The following MYT1L variants were observed in gnomAD, a reference collection of about 807,000 sequenced individuals.
The protein encoded by MYT1L is myelin transcription factor 1 like, also known as myelin transcription factor 1-like protein.
A neutral mutation model predicts 126.7 loss-of-function variants in MYT1L; 12 were observed. The ratio of observed to expected loss-of-function variants is 0.09; its 90% CI spans 0.06 to 0.15. MYT1L has a LOEUF of 0.15. Among genes scored for constraint, MYT1L ranks in the 10% least tolerant of loss-of-function variants. The pLI is 1.00. For missense variants in MYT1L, 979 were observed against 1,585.2 expected, an observed-to-expected ratio of 0.62 and a Z score of 6.49; for synonymous variants, 541 against 604.2, an observed-to-expected ratio of 0.90 and a Z score of 1.53.
chr2:1,790,568 A>C lies in MYT1L; in HGVS notation c.*1299T>G, dbSNP rs1292701513. 2 of 152,276 alleles carry C rather than the reference A, an allele frequency of 1.3e-5. No individual in the cohort carries two copies. The highest frequency in any genetic ancestry group is 2.4e-5 in the African/African-American group (1 of 41,462). The allele number at this position is 152,276 out of a possible 1,614,324, so 9.4% of individuals were successfully genotyped here. ...ATTCATTCTTAGAATAGTCACAAGA[A>C]ATCAAACAATGAGGCTCTGCAAATG... On this transcript the variant is annotated 3_prime_UTR_variant, in exon 25 of 25. Transcript: ENST00000647738.
chr2:1,952,950 TCCTCCCTCCCTC>T (rs140257766), intron 8 of MYT1L, among the ~76,000 whole-genome samples: 12 of 93,962 alleles, frequency 1.3e-4, no homozygotes, highest in Admixed American at 9.9e-4. Context: ...CTTCCCTCCT[TCCTCCCTCCCTC>T]CCTCCCTCCT....
At chr2:2,020,741 G>A (rs758114357) in intron 4 of MYT1L, among the ~76,000 whole-genome samples, 2 of 152,140 alleles carry the variant, frequency 1.3e-5, no homozygotes, top group East Asian at 1.9e-4. Context: ...TAATGTCTAC[G>A]TTGTATGTGG....
chr2:2,199,705 A>G (rs2092974006), intron 2 of MYT1L, among the ~76,000 whole-genome samples: 1 of 152,090 alleles, frequency 6.6e-6, no homozygotes, highest in African/African-American at 2.4e-5. Context: ...GGTCTTACTG[A>G]TGGAGCTGAA....
chr2:1,893,266 C>A (rs2049157683), intron 14 of MYT1L, among the ~76,000 whole-genome samples: 1 of 152,214 alleles, frequency 6.6e-6, no homozygotes, highest in South Asian at 2.1e-4. Context: ...GTTATCCCTG[C>A]CAGTTAATGT....
At chr2:2,198,975 C>A (rs887070393) in intron 2 of MYT1L, among the ~76,000 whole-genome samples, 3 of 152,098 alleles carry the variant, frequency 2.0e-5, no homozygotes, top group African/African-American at 7.2e-5. Flanking sequence ...ACAATTACCA[C>A]GTGTCAATTA....
chr2:2,111,280 C>A (rs2079419927), intron 3 of MYT1L, among the ~76,000 whole-genome samples: 2 of 152,192 alleles, frequency 1.3e-5, no homozygotes, highest in South Asian at 4.1e-4. Flanking sequence ...ATGTCCTTGG[C>A]ATCCCCGCCT....
intron 13 of MYT1L, among the ~76,000 whole-genome samples, chr2:1,904,315 T>G (rs889985753): frequency 2.6e-5 from 4 of 152,140 alleles, no homozygotes; most frequent in African/African-American, 9.7e-5. Context: ...CTTCATGGAT[T>G]GGACACTGAA....
At chr2:1,882,547 T>A (rs532743887) in intron 18 of MYT1L, among the ~76,000 whole-genome samples, 20 of 152,292 alleles carry the variant, frequency 1.3e-4, no homozygotes, top group Admixed American at 7.8e-4. Flanking sequence ...ATTCCCCTGA[T>A]AAGGAAATAC....
intron 3 of MYT1L, among the ~76,000 whole-genome samples, chr2:2,067,815 C>G (rs1574952247): frequency 6.6e-6 from 1 of 152,016 alleles, no homozygotes; most frequent in East Asian, 1.9e-4. Context: ...ATATATAAAG[C>G]ATTAAAAATA....
chr2:1,976,640 T>C (rs2060208919), intron 8 of MYT1L, among the ~76,000 whole-genome samples: 2 of 152,108 alleles, frequency 1.3e-5, no homozygotes, highest in Middle Eastern at 3.4e-3. Context: ...AGACTCCATA[T>C]CAAAAAAACA....
At chr2:1,918,886 T>A (rs1237518836) in intron 10 of MYT1L, among the ~76,000 whole-genome samples, 1 of 152,350 alleles carries the variant, frequency 6.6e-6, no homozygotes, top group Non-Finnish European at 1.5e-5. Context: ...TAGCACTTTA[T>A]TGCCTTTTCA....
chr2:2,214,751 C>T lies in MYT1L; in HGVS notation c.-420-41763G>A, dbSNP rs2093631004. The stretch of plus-strand genomic sequence containing the variant: ...GTCTCCACACAGAAGGAACATAGGA[C>T]CGAATTGGGATAGTCACACGGTAAC... On this transcript the variant is annotated intron_variant, in intron 2 of 24. Transcript: ENST00000647738. Among the ~76,000 whole-genome samples the T allele has an allele frequency of 2.0e-5, 3 of 152,158 alleles. No individual in the cohort carries two copies. In the South Asian group the frequency reaches 6.2e-4, roughly 32 times the overall value.
At chr2:2,325,382 T>C (rs1317158757) in intron 1 of MYT1L, 6 of 152,350 alleles carry the variant, frequency 3.9e-5, no homozygotes, top group African/African-American at 1.2e-4. Flanking sequence ...ACAAAAGCTA[T>C]GAAACTACTT....
At chr2:2,253,290 C>T (rs989469308) in intron 2 of MYT1L, among the ~76,000 whole-genome samples, 2 of 152,238 alleles carry the variant, frequency 1.3e-5, no homozygotes, top group East Asian at 3.9e-4. Context: ...GAACAGGGCT[C>T]GCTGGCTTCC....
At chr2:2,093,739 G>A (rs1172851000) in intron 3 of MYT1L, among the ~76,000 whole-genome samples, 4 of 151,988 alleles carry the variant, frequency 2.6e-5, no homozygotes, top group Non-Finnish European at 4.4e-5. Flanking sequence ...CATTGCTTTC[G>A]GTGTTTTAGA....
chr2:2,265,006 C>A (rs1261661833), intron 2 of MYT1L, among the ~76,000 whole-genome samples: 1 of 151,792 alleles, frequency 6.6e-6, no homozygotes, highest in African/African-American at 2.4e-5. Flanking sequence ...ACATCTTGAG[C>A]AACTAAAATT....
intron 4 of MYT1L, among the ~76,000 whole-genome samples, chr2:2,004,558 C>T (rs573757343): frequency 1.1e-4 from 17 of 147,974 alleles, no homozygotes; most frequent in South Asian, 2.2e-4. Flanking sequence ...TTCTTTCCTG[C>T]GTGCCTTCTC....
At chr2:1,877,273 T>C (rs1315091281) in intron 18 of MYT1L, among the ~76,000 whole-genome samples, 3 of 152,178 alleles carry the variant, frequency 2.0e-5, no homozygotes, top group Admixed American at 1.3e-4. Context: ...CCCCGAAATA[T>C]GATGCAGCGA....
intron 2 of MYT1L, among the ~76,000 whole-genome samples, chr2:2,229,039 T>C (rs1370867467): frequency 6.6e-6 from 1 of 152,166 alleles, no homozygotes; most frequent in Admixed American, 6.5e-5. Flanking sequence ...CAGCCAGGTA[T>C]TTTCTATGCC....
Sources: allele counts gnomAD v4.1 joint callset (sites outside exome capture counted in the v4.1 genomes callset), GRCh38; gene constraint gnomAD v4.1.1; transcripts MANE v1.5; gene names NCBI Gene and HGNC (gene_info 2026-07-23, HGNC 2026-07-21).